Variants in PELI2 observed in about 807,000 individuals in gnomAD.
The protein encoded by PELI2 is pellino E3 ubiquitin protein ligase family member 2.
Under a neutral mutation model 42.3 loss-of-function variants are expected in PELI2, and 23 were observed. The ratio of observed to expected loss-of-function variants is 0.54; its 90% CI spans 0.39 to 0.77. The LOEUF (loss-of-function observed/expected upper bound fraction) is 0.77, where lower values mean the gene tolerates loss of function less well. Among genes scored for constraint, PELI2 ranks in the 30% least tolerant of loss-of-function variants. The probability of loss-of-function intolerance (pLI) is 0.00; values close to 1 mark genes in which losing one functional copy is unlikely to be tolerated. For missense variants in PELI2, 463 were observed against 553.2 expected (o/e 0.84, Z 1.64); for synonymous variants, 245 against 212.2 (o/e 1.15, Z -1.34).
At chr14:56,246,078 G>A (rs1888141418) in intron 2 of PELI2, among the ~76,000 whole-genome samples, 2 of 152,240 alleles carry the variant, frequency 1.3e-5, no homozygotes, top group Admixed American at 6.5e-5. Flanking sequence ...AAATCTTAAA[G>A]TTACAGGAGA....
At chr14:56,192,812 C>T (rs1186287399) in intron 2 of PELI2, among the ~76,000 whole-genome samples, 1 of 152,190 alleles carries the variant, frequency 6.6e-6, no homozygotes, top group South Asian at 2.1e-4. Flanking sequence ...AAATGCTCAA[C>T]AAATGTTAAC....
At chr14:56,292,409 TTC>T (rs1310079780) in intron 5 of PELI2, among the ~76,000 whole-genome samples, 4 of 152,204 alleles carry the variant, frequency 2.6e-5, no homozygotes, top group African/African-American at 9.6e-5. Context: ...CTCTTTGAAC[TTC>T]TGTTTCAATT....
intron 1 of PELI2, among the ~76,000 whole-genome samples, chr14:56,144,586 C>T (rs1884040513): frequency 6.6e-6 from 1 of 152,180 alleles, no homozygotes; most frequent in African/African-American, 2.4e-5. Context: ...GGACAATAGC[C>T]TGGCTGAATT....
At chr14:56,195,145 T>G (rs1886087561) in intron 2 of PELI2, among the ~76,000 whole-genome samples, 1 of 152,338 alleles carries the variant, frequency 6.6e-6, no homozygotes, top group South Asian at 2.1e-4. Context: ...GAAGGATGCA[T>G]GCAAGCTAAA....
intron 2 of PELI2, among the ~76,000 whole-genome samples, chr14:56,225,443 T>G (rs1270714178): frequency 1.3e-5 from 2 of 151,492 alleles, no homozygotes; most frequent in African/African-American, 4.9e-5. Context: ...TTAGAGGGAG[T>G]TGGAATGAGG....
At chr14:56,292,257 C>T (rs755276512) in intron 5 of PELI2, among the ~76,000 whole-genome samples, 6 of 152,108 alleles carry the variant, frequency 3.9e-5, no homozygotes, top group African/African-American at 7.2e-5. Context: ...TGATAGCATC[C>T]GATTAACCTG....
intron 2 of PELI2, among the ~76,000 whole-genome samples, chr14:56,263,112 A>C (rs1251076922): frequency 6.6e-6 from 1 of 152,120 alleles, no homozygotes; most frequent in East Asian, 1.9e-4. Context: ...GCCTGCCACC[A>C]TGCCTGGCTA....
intron 2 of PELI2, among the ~76,000 whole-genome samples, chr14:56,198,451 G>GAC (rs1171957083): frequency 6.6e-6 from 1 of 152,236 alleles, no homozygotes; most frequent in African/African-American, 2.4e-5. Flanking sequence ...GCCTAAGGCA[G>GAC]ACTGGAGTAG....
intron 2 of PELI2, among the ~76,000 whole-genome samples, chr14:56,246,143 T>C (rs147701481): frequency 1.3e-5 from 2 of 152,278 alleles, no homozygotes; most frequent in African/African-American, 4.8e-5. Flanking sequence ...TCCTCTGGAG[T>C]GCACCTGGTG....
intron 1 of PELI2, among the ~76,000 whole-genome samples, chr14:56,176,528 C>T (rs546119703): frequency 1.3e-5 from 2 of 152,288 alleles, no homozygotes; most frequent in South Asian, 2.1e-4. Context: ...CTGCCACCTG[C>T]GAACCTTCAC....
intron 2 of PELI2, among the ~76,000 whole-genome samples, chr14:56,236,120 T>C (rs962809882): frequency 6.6e-6 from 1 of 152,226 alleles, no homozygotes; most frequent in East Asian, 1.9e-4. Flanking sequence ...GTTTAACTCT[T>C]GTGAAACTAA....
rs79935579 is a variant in PELI2, at chr14:56,268,636, A to G, written c.208-11040A>G. On this transcript the variant is annotated intron_variant, in intron 2 of 5. Transcript: ENST00000267460. ...CATAAAATGTTCAAAAGCAAATGCA[A>G]TGCTGTTTTAAAGAATGGGGTTGTT... Among the ~76,000 whole-genome samples the G allele has an allele frequency of 1.4e-4, 21 of 152,302 alleles. No homozygotes were observed. In the East Asian group the frequency reaches 4.1e-3, roughly 29 times the overall value.
intron 3 of PELI2, among the ~76,000 whole-genome samples, chr14:56,283,880 C>G (rs1489857948): frequency 6.6e-6 from 1 of 152,218 alleles, no homozygotes; most frequent in African/African-American, 2.4e-5. Context: ...CTAAGCAACT[C>G]TCATAAGACC....
chr14:56,253,836 A>G (rs186385915), intron 2 of PELI2, among the ~76,000 whole-genome samples: 1 of 152,312 alleles, frequency 6.6e-6, no homozygotes, highest in African/African-American at 2.4e-5. Flanking sequence ...AATTGGGAAA[A>G]AAAACTACTT....
At chr14:56,184,681 G>T (rs1420582025) in intron 2 of PELI2, among the ~76,000 whole-genome samples, 1 of 152,004 alleles carries the variant, frequency 6.6e-6, no homozygotes, top group East Asian at 1.9e-4. Flanking sequence ...TGAAAAAATA[G>T]AATTTAACTA....
At chr14:56,141,951 G>T (rs1317529707) in intron 1 of PELI2, among the ~76,000 whole-genome samples, 1 of 152,174 alleles carries the variant, frequency 6.6e-6, no homozygotes, top group Non-Finnish European at 1.5e-5. Context: ...AATGCAAAGG[G>T]TGTTGCTTGT....
intron 2 of PELI2, among the ~76,000 whole-genome samples, chr14:56,236,225 C>T (rs996920716): frequency 1.3e-5 from 2 of 152,102 alleles, no homozygotes; most frequent in East Asian, 1.9e-4. Context: ...ATTTAAAGCA[C>T]GTGTCGAGAG....
chr14:56,274,159 G>A (rs963177498), intron 2 of PELI2, among the ~76,000 whole-genome samples: 2 of 151,708 alleles, frequency 1.3e-5, no homozygotes, highest in East Asian at 1.9e-4. Flanking sequence ...CGTGGATGTC[G>A]TCAGGCTTTT....
chr14:56,193,587 T>G (rs1181235433), intron 2 of PELI2, among the ~76,000 whole-genome samples: 1 of 152,188 alleles, frequency 6.6e-6, no homozygotes, highest in East Asian at 1.9e-4. Flanking sequence ...CTTGAAATAA[T>G]TTAAATCAGC....
Sources: gnomAD v4.1 joint callset for allele counts (sites outside exome capture counted in the v4.1 genomes callset) on GRCh38, gnomAD v4.1.1 for gene constraint, MANE v1.5 for transcripts, NCBI Gene and HGNC (gene_info 2026-07-23, HGNC 2026-07-21) for gene names.